C1orf185: variants seen among roughly 807,000 people sequenced by gnomAD.
C1orf185 encodes uncharacterized protein C1orf185.
In C1orf185, 13 loss-of-function variants were observed where a neutral mutation model predicts 16.1. The ratio of observed to expected loss-of-function variants is 0.81; its 90% CI spans 0.53 to 1.28. The LOEUF (loss-of-function observed/expected upper bound fraction) is 1.28, where lower values mean the gene tolerates loss of function less well. Ranked by LOEUF, C1orf185 falls within the 50% of genes most tolerant of loss-of-function variation. The pLI is 0.00. For synonymous variants in C1orf185, 80 were observed against 76.9 expected (o/e 1.04, Z -0.21); for missense variants, 220 against 225.2 (o/e 0.98, Z 0.15).
At chr1:51,114,521 G>A (rs1474397507) in intron 2 of C1orf185, among the ~76,000 whole-genome samples, 1 of 152,070 alleles carries the variant, frequency 6.6e-6, no homozygotes, top group Non-Finnish European at 1.5e-5. Flanking sequence ...CTAAGAGTTC[G>A]AGACCAGCCT....
At chr1:51,104,509 G>A (rs1459831480) in intron 1 of C1orf185, among the ~76,000 whole-genome samples, 1 of 152,194 alleles carries the variant, frequency 6.6e-6, no homozygotes, top group Non-Finnish European at 1.5e-5. Context: ...TTAAGTTACA[G>A]ACATTAAGGC....
chr1:51,124,879 T>C (rs956001061), intron 3 of C1orf185, among the ~76,000 whole-genome samples: 5 of 152,200 alleles, frequency 3.3e-5, no homozygotes, highest in African/African-American at 1.2e-4. Context: ...GTCAGCAGGG[T>C]TGTGACCAGA....
chr1:51,144,661 T>C (rs115174676), intron 3 of C1orf185, among the ~76,000 whole-genome samples: 8 of 152,196 alleles, frequency 5.3e-5, no homozygotes, highest in African/African-American at 1.7e-4. Flanking sequence ...TGCAGTGAGC[T>C]GTGATCATGC....
chr1:51,128,960 C>T (rs1172648775), intron 3 of C1orf185, among the ~76,000 whole-genome samples: 1 of 152,022 alleles, frequency 6.6e-6, no homozygotes, highest in African/African-American at 2.4e-5. Context: ...TCTTGGCTCA[C>T]TGCAACATCT....
At chr1:51,121,915 C>A (rs543784283) in intron 3 of C1orf185, among the ~76,000 whole-genome samples, 2 of 152,274 alleles carry the variant, frequency 1.3e-5, no homozygotes, top group African/African-American at 2.4e-5. Context: ...CTCCCACCCT[C>A]CACTAAAGGA....
chr1:51,120,597 G>C (rs904620899), intron 3 of C1orf185, among the ~76,000 whole-genome samples: 2 of 152,182 alleles, frequency 1.3e-5, no homozygotes, highest in Non-Finnish European at 2.9e-5. Flanking sequence ...TCGAATGAAG[G>C]ACAGTTTGAA....
chr1:51,112,135 GAA>G (rs530464592), intron 1 of C1orf185, among the ~76,000 whole-genome samples: 2 of 141,778 alleles, frequency 1.4e-5, no homozygotes, highest in African/African-American at 2.6e-5. Flanking sequence ...TACGGGAGGG[GAA>G]AAAAAAAAAA....
chr1:51,103,410 A>ACACAC (rs1646046393), intron 1 of C1orf185, among the ~76,000 whole-genome samples: 13 of 128,922 alleles, frequency 1.0e-4, no homozygotes, highest in African/African-American at 2.1e-4. Context: ...TGTCTCGAAA[A>ACACAC]ACACACACAC....
At chr1:51,136,648 TG>T (rs572728357) in intron 3 of C1orf185, among the ~76,000 whole-genome samples, 2 of 152,170 alleles carry the variant, frequency 1.3e-5, no homozygotes, top group South Asian at 4.1e-4. Flanking sequence ...AAACAAGCAA[TG>T]GGGGAAGAAT....
intron 3 of C1orf185, among the ~76,000 whole-genome samples, chr1:51,125,840 T>C (rs1200039610): frequency 6.6e-6 from 1 of 151,926 alleles, no homozygotes; most frequent in Non-Finnish European, 1.5e-5. Flanking sequence ...AGGTGCCAGG[T>C]CATTGGGTTT....
intron 3 of C1orf185, among the ~76,000 whole-genome samples, chr1:51,132,154 C>G (rs1037152401): frequency 1.3e-5 from 2 of 152,150 alleles, no homozygotes; most frequent in Admixed American, 6.5e-5. Flanking sequence ...ACCCACAGTG[C>G]AAAAACCCTG....
chr1:51,107,451 G>A (rs1412179257), intron 1 of C1orf185: 2 of 152,054 alleles, frequency 1.3e-5, no homozygotes, highest in African/African-American at 2.4e-5. Context: ...AAAATTTGGT[G>A]TACTTTAATA....
chr1:51,137,868 G>T (rs1419720300), intron 3 of C1orf185, among the ~76,000 whole-genome samples: 1 of 152,174 alleles, frequency 6.6e-6, no homozygotes, highest in Non-Finnish European at 1.5e-5. Flanking sequence ...ATACTATGCA[G>T]CCATAAAAAA....
In C1orf185 at chr1:51,112,464, G is replaced by C. The variant is rs1329976345; in HGVS notation, c.17G>C (p.Gly6Ala). Reference sequence around the variant, plus strand: ...AATCTTTTGTAATTTGTTTGTATAGGTTTTTTTAATTACTTGACCTATTTT... The same window carrying C: ...AATCTTTTGTAATTTGTTTGTATAGCTTTTTTTAATTACTTGACCTATTTT... MASPK[G>A]FFNYLTYFLA... Residue 6 changes from glycine (G) to alanine (A), a missense_variant and splice_region_variant, in exon 2 of 5, where the codon GGT becomes GCT. Coordinates refer to ENST00000371759, the MANE Select transcript of C1orf185 (RefSeq NM_001136508.2). 3.3e-6 allele frequency: 5 copies of C among 1,537,822 alleles called. No homozygotes were observed. The highest frequency in any genetic ancestry group is 4.2e-5 in the Admixed American group (2 of 47,758).
intron 3 of C1orf185, among the ~76,000 whole-genome samples, chr1:51,139,177 A>C (rs1438086783): frequency 6.6e-6 from 1 of 151,346 alleles, no homozygotes; most frequent in Non-Finnish European, 1.5e-5. Flanking sequence ...ATTATAGCTC[A>C]CTATAACCTC....
chr1:51,112,872 T>G (rs1024123568), intron 2 of C1orf185, among the ~76,000 whole-genome samples: 2 of 150,936 alleles, frequency 1.3e-5, no homozygotes, highest in Non-Finnish European at 2.9e-5. Flanking sequence ...CAGGCTGGAG[T>G]GCAGTGGCGC....
chr1:51,128,091 G>A (rs1445670151), intron 3 of C1orf185, among the ~76,000 whole-genome samples: 5 of 151,772 alleles, frequency 3.3e-5, no homozygotes, highest in African/African-American at 9.7e-5. Flanking sequence ...GTTTCACCAT[G>A]TTGACCAGGC....
At chr1:51,138,394 ATTTG>A (rs967747391) in intron 3 of C1orf185, among the ~76,000 whole-genome samples, 3 of 152,094 alleles carry the variant, frequency 2.0e-5, no homozygotes, top group South Asian at 2.1e-4. Flanking sequence ...CATCTTCAGA[ATTTG>A]TTTGTTTGTT....
intron 2 of C1orf185, among the ~76,000 whole-genome samples, chr1:51,116,533 C>T (rs775633681): frequency 1.3e-5 from 2 of 152,010 alleles, no homozygotes; most frequent in African/African-American, 2.4e-5. Context: ...AGGTTGATCT[C>T]GAACTCCTGA....
Sources: allele counts gnomAD v4.1 joint callset (sites outside exome capture counted in the v4.1 genomes callset), GRCh38; gene constraint gnomAD v4.1.1; transcripts MANE v1.5; gene names NCBI Gene and HGNC (gene_info 2026-07-23, HGNC 2026-07-21).